SPEN: variants seen among roughly 807,000 people sequenced by gnomAD.
SPEN encodes the protein spen family transcriptional repressor, also known as msx2-interacting protein.
In SPEN, 18 loss-of-function variants were observed where a neutral mutation model predicts 269.9. The observed-to-expected ratio is 0.07, with a 90% confidence interval of 0.05 to 0.10. The LOEUF is 0.10. Ranked by LOEUF, SPEN falls within the 10% of genes least tolerant of loss-of-function variation. The pLI is 1.00. For synonymous variants in SPEN, 1,726 were observed against 1,765.7 expected (o/e 0.98, Z 0.56); for missense variants, 3,822 against 4,631.2 (o/e 0.83, Z 5.07).
At chr1:15,868,669 C>T (rs1302970557) in intron 1 of SPEN, among the ~76,000 whole-genome samples, 3 of 151,780 alleles carry the variant, frequency 2.0e-5, no homozygotes, top group East Asian at 2.0e-4. Context: ...CTCCTGACCT[C>T]GTGATCCGCC....
At position 15,933,465 on chromosome 1, in the gene SPEN, G is replaced by C; in HGVS notation, c.7225G>C (p.Glu2409Gln). ...TGACCTAAGCAAGATTCCCTCCACAGAGAATTCGTCCCAAGAAATCAGTGT... is the reference window on the plus strand; with the variant it reads ...TGACCTAAGCAAGATTCCCTCCACACAGAATTCGTCCCAAGAAATCAGTGT... The part of the protein sequence containing the change: ...TSDLSKIPST[E>Q]NSSQEISVEE... The change falls in exon 11 of 15, where the codon GAG becomes CAG. Residue 2409 changes from glutamate (E) to glutamine (Q), a missense_variant. Glu to Gln is a conservative substitution (Grantham distance 29, BLOSUM62 2). Around this residue, in one of 16 missense-constraint regions of SPEN, gnomAD observed 727 missense variants for 737.9 expected, o/e 0.99. Transcript: ENST00000375759. The surrounding 1 kb of genome is among the most constrained non-coding windows in gnomAD (Gnocchi z 5.7). 1 of 1,614,116 alleles carries C rather than the reference G, an allele frequency of 6.2e-7. No homozygotes were observed. Among genetic ancestry groups the C allele is most frequent in the Non-Finnish European group, 8.5e-7 (1 of 1,180,026 alleles).
chr1:15,896,823 C>T (rs954199559), intron 3 of SPEN, among the ~76,000 whole-genome samples: 2 of 152,126 alleles, frequency 1.3e-5, no homozygotes, highest in African/African-American at 4.8e-5. Flanking sequence ...TAAGTGTTAG[C>T]CTGGTGTGGT....
At position 15,848,242 on chromosome 1, in the gene SPEN, G is replaced by T. The variant is rs1166304032; in HGVS notation, c.83+92G>T. On this transcript the variant is annotated intron_variant, in intron 1 of 14. Coordinates refer to ENST00000375759, the MANE Select transcript of SPEN (RefSeq NM_015001.3). This position sits in a 1 kb window ranked among gnomAD's most constrained non-coding sequence, Gnocchi z 5.1. ...CGGCCCCTCCCGGAGCGCGGAGCTG[G>T]TGAGGAGGACTCCGGCCCGGACCCA... 27 of 928,828 alleles carry T rather than the reference G, an allele frequency of 2.9e-5. No homozygotes were observed. Among genetic ancestry groups the T allele is most frequent in the Non-Finnish European group, 3.5e-5 (23 of 663,024 alleles). 57.5% of individuals were successfully genotyped at this position (928,828 alleles called of 1,614,324 possible).
chr1:15,936,080 G>C lies in SPEN; in HGVS notation c.9840G>C (p.Gly3280=), dbSNP rs759705480. The change falls in exon 11 of 15, where the codon GGG becomes GGC. Residue 3280 remains glycine, a synonymous_variant. Transcript: ENST00000375759. ...TTACCCCCAGTAACCAACTCCAGGG[G>C]CTGCCTCTGACCCCTCCTGTGGTGG... The part of the protein sequence containing the change: ...LTVTPSNQLQ[G]LPLTPPVVVT... 1 of 1,601,972 alleles carries C rather than the reference G, an allele frequency of 6.2e-7. No homozygotes were observed. The highest frequency in any genetic ancestry group is 8.5e-7 in the Non-Finnish European group (1 of 1,171,690).
At chr1:15,890,123 T>A (rs1995302) in intron 3 of SPEN, among the ~76,000 whole-genome samples, 8,571 of 152,274 alleles carry the variant, frequency 0.056, 357 homozygotes, top group Admixed American at 0.1. Context: ...AGAGTTCGTT[T>A]CTAAGAATTT....
chr1:15,850,754 A>C (rs1026592722), intron 1 of SPEN, among the ~76,000 whole-genome samples: 10 of 152,222 alleles, frequency 6.6e-5, no homozygotes, highest in Non-Finnish European at 1.5e-4. Flanking sequence ...AAGTGAAAGG[A>C]ATAAAAAGGT....
chr1:15,848,806 C>T lies in SPEN; in HGVS notation c.83+656C>T, dbSNP rs982430523. Reference sequence around the variant, plus strand: ...GAGTGGTGTGAAATAAGTTGGTGCGCCCGTTTGGGCTTCCTCGTCCCCGGC... The same window carrying T: ...GAGTGGTGTGAAATAAGTTGGTGCGTCCGTTTGGGCTTCCTCGTCCCCGGC... On this transcript the variant is annotated intron_variant, in intron 1 of 14. Transcript: ENST00000375759. This position sits in a 1 kb window ranked among gnomAD's most constrained non-coding sequence, Gnocchi z 5.1. Among the ~76,000 whole-genome samples the T allele has an allele frequency of 6.6e-6, 1 of 152,012 alleles. No homozygotes were observed. The highest frequency in any genetic ancestry group is 6.6e-5 in the Admixed American group (1 of 15,262).
chr1:15,859,531 G>A (rs569894983), intron 1 of SPEN, among the ~76,000 whole-genome samples: 3 of 151,362 alleles, frequency 2.0e-5, no homozygotes, highest in South Asian at 2.1e-4. Flanking sequence ...CACCACGCCC[G>A]GCTAATTTTT....
intron 11 of SPEN, among the ~76,000 whole-genome samples, 199 bp downstream of exon 11, chr1:15,936,465 A>AG (rs2148744218): frequency 6.7e-6 from 1 of 149,964 alleles, no homozygotes; most frequent in South Asian, 2.1e-4. Context: ...ACATGGCAAA[A>AG]CCCCATCTCG....
rs934238601 is a variant in SPEN, at chr1:15,939,025, C to T, written c.10863+149C>T. On this transcript the variant is annotated intron_variant, in intron 14 of 14. Coordinates refer to ENST00000375759, the MANE Select transcript of SPEN (RefSeq NM_015001.3). The surrounding 1 kb of genome is among the most constrained non-coding windows in gnomAD (Gnocchi z 4.1). The stretch of plus-strand genomic sequence containing the variant: ...ACAGAAGTCAGTAGAGCACATGGGG[C>T]GGGGCGCCATCACCCATCCTGAAGA... 13 of 1,108,018 alleles carry T rather than the reference C, an allele frequency of 1.2e-5. No homozygotes were observed. Among genetic ancestry groups the T allele is most frequent in the East Asian group, 5.0e-5 (2 of 40,212 alleles). The allele number at this position is 1,108,018 out of a possible 1,614,324, so 68.6% of individuals were successfully genotyped here.
chr1:15,885,142 T>G (rs371997748), intron 3 of SPEN, among the ~76,000 whole-genome samples: 1 of 152,238 alleles, frequency 6.6e-6, no homozygotes, highest in African/African-American at 2.4e-5. Flanking sequence ...CCTATAATAA[T>G]GAATAGGCAA....
chr1:15,886,918 G>A (rs2070741225), intron 3 of SPEN, among the ~76,000 whole-genome samples: 1 of 152,186 alleles, frequency 6.6e-6, no homozygotes, highest in Non-Finnish European at 1.5e-5. Flanking sequence ...ATTAAAATAG[G>A]TTTTGGTGGC....
intron 3 of SPEN, among the ~76,000 whole-genome samples, chr1:15,886,254 T>C (rs1031832958): frequency 3.9e-5 from 6 of 152,182 alleles, no homozygotes; most frequent in African/African-American, 1.4e-4. Flanking sequence ...GTTAGGATGC[T>C]CGACTGCAGA....
At chr1:15,864,729 C>T (rs1243222196) in intron 1 of SPEN, among the ~76,000 whole-genome samples, 1 of 150,872 alleles carries the variant, frequency 6.6e-6, no homozygotes, top group African/African-American at 2.4e-5. Flanking sequence ...CTCAGCCTAC[C>T]GAGTAGCTAG....
Position 15,909,357 on chromosome 1 carries a change from A to G in SPEN, c.918A>G (p.Pro306=), listed in dbSNP as rs1462176995. The G allele has an allele frequency of 6.2e-7, 1 of 1,613,652 alleles. No homozygotes were observed. ...GCAGTAGTTCAAGTGATGATTCTCC[A>G]GCTCGATCAGTTCAGTCTGCAGCAG... ...DSSSSSSDDS[P]ARSVQSAAVP... is the part of the protein sequence containing the mutation. Residue 306 remains proline (P), a synonymous_variant, in exon 4 of 15, where the codon CCA becomes CCG. Coordinates refer to ENST00000375759, the MANE Select transcript of SPEN (RefSeq NM_015001.3).
chr1:15,921,325 A>G (rs989481271), intron 9 of SPEN, among the ~76,000 whole-genome samples: 17 of 152,156 alleles, frequency 1.1e-4, no homozygotes, highest in African/African-American at 4.1e-4. Context: ...GTAAGACTCC[A>G]TCTCCAAAAA....
Position 15,934,568 on chromosome 1 carries a change from A to G in SPEN, c.8328A>G (p.Arg2776=). The change falls in exon 11 of 15, where the codon AGA becomes AGG. Residue 2776 remains arginine, a synonymous_variant. Coordinates refer to ENST00000375759, the MANE Select transcript of SPEN (RefSeq NM_015001.3). This position sits in a 1 kb window ranked among gnomAD's most constrained non-coding sequence, Gnocchi z 9.2. ...VIAPSTKCKQ[R]ASANENSRFH... The stretch of plus-strand genomic sequence containing the variant: ...CGCCGTCAACAAAGTGCAAACAGAG[A>G]GCGAGTGCTAATGAAAACAGTCGGT... 6.2e-7 allele frequency: 1 copy of G among 1,614,120 alleles called. No homozygotes were observed. Among genetic ancestry groups the G allele is most frequent in the Non-Finnish European group, 8.5e-7 (1 of 1,180,042 alleles).
At position 15,928,607 on chromosome 1, in the gene SPEN, A is replaced by G. The variant is rs1323191451; in HGVS notation, c.2367A>G (p.Glu789=). ...GTTTGGAGCGCTATACAAAAAATGA[A>G]AAGACAGATAAAGAACGAACTTTTG... ...KSRLERYTKN[E]KTDKERTFDP... The change falls in exon 11 of 15, where the codon GAA becomes GAG. Residue 789 remains glutamate (E), a synonymous_variant. Transcript: ENST00000375759. The surrounding 1 kb of genome is among the most constrained non-coding windows in gnomAD (Gnocchi z 5.7). 2 of 1,614,168 alleles carry G rather than the reference A, an allele frequency of 1.2e-6. No individual in the cohort carries two copies. Among genetic ancestry groups the G allele is most frequent in the Non-Finnish European group, 1.7e-6 (2 of 1,180,044 alleles).
intron 1 of SPEN, 141 bp from the exon 2 acceptor site, chr1:15,872,675 G>C (rs372727168): frequency 1.9e-6 from 1 of 518,562 alleles, no homozygotes; most frequent in East Asian, 2.9e-5. Context: ...AAAACGTTAA[G>C]TGTAAAAGAG....
Sources: allele counts gnomAD v4.1 joint callset (sites outside exome capture counted in the v4.1 genomes callset), GRCh38; gene constraint gnomAD v4.1.1; regional missense constraint gnomAD v4.1.1; non-coding constraint Gnocchi (gnomAD v3.1); transcripts MANE v1.5; gene names NCBI Gene and HGNC (gene_info 2026-07-23, HGNC 2026-07-21).